KPNA5: variants seen among roughly 807,000 people sequenced by gnomAD.
KPNA5 encodes the protein importin subunit alpha-6.
Under a neutral mutation model 71.3 loss-of-function variants are expected in KPNA5, and 46 were observed. The ratio of observed to expected loss-of-function variants is 0.65; its 90% confidence interval spans 0.51 to 0.83. KPNA5 has a LOEUF of 0.83. Among genes scored for constraint, KPNA5 ranks in the 40% least tolerant of loss-of-function variants. KPNA5 has a pLI of 0.00. For synonymous variants in KPNA5, 207 were observed against 201.4 expected (o/e 1.03, Z -0.24); for missense variants, 547 against 628.3 (o/e 0.87, Z 1.38).
intron 12 of KPNA5, among the ~76,000 whole-genome samples, 176 bp downstream of exon 12, chr6:116,726,798 C>T (rs183574036): frequency 5.3e-5 from 8 of 151,874 alleles, no homozygotes; most frequent in East Asian, 1.9e-4. Context: ...CCCCATTTAA[C>T]GTGTAATTAA....
intron 4 of KPNA5, 87 bp from the exon 5 acceptor site, chr6:116,698,614 GTTA>G: frequency 1.4e-6 from 1 of 703,240 alleles, no homozygotes; most frequent in Non-Finnish European, 2.4e-6. Context: ...CTAGGAAAGA[GTTA>G]TTTTATGTGC....
At chr6:116,722,902 T>C (rs1779163503) in intron 9 of KPNA5, among the ~76,000 whole-genome samples, 2 of 152,226 alleles carry the variant, frequency 1.3e-5, no homozygotes, top group South Asian at 2.1e-4. Context: ...CTTTCTTCTT[T>C]TGTCGAGAAG....
rs1779301586 is a variant in KPNA5 at position 116,726,629 on chromosome 6, T to A, written c.1253+7T>A. 1 of 1,562,104 alleles carries A rather than the reference T, an allele frequency of 6.4e-7. No homozygotes were observed. The highest frequency in any genetic ancestry group is 8.6e-7 in the Non-Finnish European group (1 of 1,161,646). On this transcript the variant is annotated splice_region_variant and intron_variant, in intron 12 of 13. Coordinates refer to ENST00000368564, the MANE Select transcript of KPNA5 (RefSeq NM_001366306.2). ...GTACTCCAGAGCAAATAAGGTATGATATAAACTTCTTAATTGTTTTTTACA... is the reference window on the plus strand; with the variant it reads ...GTACTCCAGAGCAAATAAGGTATGAAATAAACTTCTTAATTGTTTTTTACA...
At chr6:116,723,692 A>G (rs1465071392) in intron 9 of KPNA5, among the ~76,000 whole-genome samples, 1 of 152,208 alleles carries the variant, frequency 6.6e-6, no homozygotes, top group Non-Finnish European at 1.5e-5. Context: ...ATAGTATTAG[A>G]AATACATCAC....
chr6:116,737,615 CCT>C lies in KPNA5; in HGVS notation c.*5295_*5296del, dbSNP rs1779719366. On this transcript the variant is annotated 3_prime_UTR_variant, in exon 14 of 14. Coordinates refer to ENST00000368564, the MANE Select transcript of KPNA5 (RefSeq NM_001366306.2). The stretch of plus-strand genomic sequence containing the variant: ...GTCATAGGGCTCAACTAGTTTGTTT[CCT>C]CTGTTTCATAGATCACGGTTCCTCA... 1 of 151,916 alleles carries C rather than the reference CCT, an allele frequency of 6.6e-6. No homozygotes were observed. The highest frequency in any genetic ancestry group is 2.4e-5 in the African/African-American group (1 of 41,400). 9.4% of individuals were successfully genotyped at this position (151,916 alleles called of 1,614,324 possible).
intron 2 of KPNA5, among the ~76,000 whole-genome samples, chr6:116,691,341 A>G (rs1777793626): frequency 1.3e-5 from 2 of 152,278 alleles, no homozygotes; most frequent in South Asian, 2.1e-4. Context: ...TTGCCCTCCA[A>G]TTCCTGGGCT....
intron 8 of KPNA5, among the ~76,000 whole-genome samples, chr6:116,717,425 T>A (rs1778927220): frequency 6.6e-6 from 1 of 152,196 alleles, no homozygotes; most frequent in Non-Finnish European, 1.5e-5. Context: ...CACATTTTTT[T>A]ATGAGCTCTA....
In KPNA5 at chr6:116,702,010, T is replaced by A. The variant is rs774440918; in HGVS notation, c.436-9T>A. On this transcript the variant is annotated splice_polypyrimidine_tract_variant and intron_variant, in intron 5 of 13. Coordinates refer to ENST00000368564, the MANE Select transcript of KPNA5 (RefSeq NM_001366306.2). Reference sequence around the variant, plus strand: ...TCTTTCATTTATTTTACCTTTTTTTTCTTCTTAGTTTGAAGCTGCATGGGC... The same window carrying A: ...TCTTTCATTTATTTTACCTTTTTTTACTTCTTAGTTTGAAGCTGCATGGGC... 1 of 1,597,896 alleles carries A rather than the reference T, an allele frequency of 6.3e-7. No homozygotes were observed.
At position 116,691,926 on chromosome 6, in the gene KPNA5, A is replaced by G. The variant is rs540895644; in HGVS notation, c.139-129A>G. On this transcript the variant is annotated intron_variant, in intron 2 of 13. Transcript: ENST00000368564. ...TAGTATAATGATTGGGAAATACTCAAATATTCAGAATTTTAAGTTATAAAA... is the reference window on the plus strand; with the variant it reads ...TAGTATAATGATTGGGAAATACTCAGATATTCAGAATTTTAAGTTATAAAA... 6.3e-5 allele frequency: 43 copies of G among 686,720 alleles called. No individual in the cohort carries two copies. The South Asian group carries it at 7.1e-4, about 11-fold the overall frequency. 42.5% of individuals were successfully genotyped at this position (686,720 alleles called of 1,614,324 possible).
At position 116,738,543 on chromosome 6, in the gene KPNA5, A is replaced by T. The variant is rs1779752543; in HGVS notation, c.*6220A>T. 6.6e-6 allele frequency: 1 copy of T among 152,134 alleles called. No individual in the cohort carries two copies. The highest frequency in any genetic ancestry group is 2.1e-4 in the South Asian group (1 of 4,826). 9.4% of individuals were successfully genotyped at this position (152,134 alleles called of 1,614,324 possible). On this transcript the variant is annotated 3_prime_UTR_variant, in exon 14 of 14. Coordinates refer to ENST00000368564, the MANE Select transcript of KPNA5 (RefSeq NM_001366306.2). ...GATACCAAAGCTGGGCAGAGACACA[A>T]CCAAAAAAGAGAATTTTAGACCAAT...
chr6:116,708,146 CA>C (rs1208422315), intron 7 of KPNA5, among the ~76,000 whole-genome samples: 1 of 152,148 alleles, frequency 6.6e-6, no homozygotes, highest in Non-Finnish European at 1.5e-5. Context: ...TTTGTTCATT[CA>C]TTAATAGATG....
intron 1 of KPNA5, 49 bp downstream of exon 1, chr6:116,681,387 C>T (rs996380578): frequency 1.9e-6 from 3 of 1,538,618 alleles, no homozygotes; most frequent in Non-Finnish European, 2.6e-6. Context: ...CGGTTTTGGT[C>T]CCTTTGGGAA....
intron 12 of KPNA5, 103 bp downstream of exon 12, chr6:116,726,725 T>G: frequency 9.6e-7 from 1 of 1,043,338 alleles, no homozygotes; most frequent in Non-Finnish European, 1.3e-6. Context: ...TATTTCTAAG[T>G]CAGTTTGATA....
intron 12 of KPNA5, among the ~76,000 whole-genome samples, chr6:116,728,664 GA>G (rs1188358402): frequency 2.0e-5 from 3 of 151,768 alleles, no homozygotes; most frequent in Non-Finnish European, 4.4e-5. Flanking sequence ...TTTTAAGAGG[GA>G]CAGAAACTTT....
At chr6:116,689,781 A>G (rs1180118926) in intron 2 of KPNA5, among the ~76,000 whole-genome samples, 1 of 152,166 alleles carries the variant, frequency 6.6e-6, no homozygotes, top group Non-Finnish European at 1.5e-5. Flanking sequence ...TTAATTATAT[A>G]TTATTTGCTG....
At chr6:116,716,381 CT>C in intron 8 of KPNA5, 63 bp downstream of exon 8, 1 of 1,119,868 alleles carries the variant, frequency 8.9e-7, no homozygotes, top group Non-Finnish European at 1.3e-6. Flanking sequence ...TATATAATAG[CT>C]TTTTGATGTT....
chr6:116,690,997 G>C (rs551423822), intron 2 of KPNA5, among the ~76,000 whole-genome samples: 145 of 152,314 alleles, frequency 9.5e-4, no homozygotes, highest in African/African-American at 3.4e-3. Context: ...GGGAGGCCTA[G>C]GTGGGCGGGT....
intron 11 of KPNA5, 53 bp from the exon 12 acceptor site, chr6:116,726,442 G>T: frequency 7.0e-7 from 1 of 1,420,584 alleles, no homozygotes; most frequent in Non-Finnish European, 9.4e-7. Flanking sequence ...TTTTTTACTG[G>T]TAATATTTTA....
Position 116,735,332 on chromosome 6 carries a change from A to G in KPNA5, c.*3009A>G, listed in dbSNP as rs1274427829. 1 of 151,794 alleles carries G rather than the reference A, an allele frequency of 6.6e-6. No individual in the cohort carries two copies. The highest frequency in any genetic ancestry group is 2.4e-5 in the African/African-American group (1 of 41,426). The allele number at this position is 151,794 out of a possible 1,614,324, so 9.4% of individuals were successfully genotyped here. A position where few individuals can be genotyped will look rare whatever the true frequency, so the allele number is the denominator to read the frequency against. On this transcript the variant is annotated 3_prime_UTR_variant, in exon 14 of 14. Coordinates refer to ENST00000368564, the MANE Select transcript of KPNA5 (RefSeq NM_001366306.2). The stretch of plus-strand genomic sequence containing the variant: ...GAAGGAGCATTATGGAAAAATAAAT[A>G]TAAAGTCTTAGTGAATTTTTGTTAT...
Sources: gnomAD v4.1 joint callset for allele counts (sites outside exome capture counted in the v4.1 genomes callset) on GRCh38, gnomAD v4.1.1 for gene constraint, MANE v1.5 for transcripts, NCBI Gene and HGNC (gene_info 2026-07-23, HGNC 2026-07-21) for gene names.